ENTHD1: variants seen among roughly 807,000 people sequenced by gnomAD.
ENTHD1 encodes ENTH domain containing 1, also known as ENTH domain-containing protein 1.
ENTHD1 carries 23 observed loss-of-function variants against 39.1 expected under a neutral mutation model. The ratio of observed to expected loss-of-function variants is 0.59; its 90% CI spans 0.42 to 0.83. The LOEUF is 0.83. Ranked by LOEUF, ENTHD1 falls within the 40% of genes least tolerant of loss-of-function variation. The probability of loss-of-function intolerance (pLI) is 0.00; values close to 1 mark genes in which losing one functional copy is unlikely to be tolerated. For missense variants in ENTHD1, 624 were observed against 705.4 expected, an observed-to-expected ratio of 0.88 and a Z score of 1.31; for synonymous variants, 230 against 258.2, an observed-to-expected ratio of 0.89 and a Z score of 1.05.
chr22:39,747,375 A>G (rs950088306), intron 6 of ENTHD1, among the ~76,000 whole-genome samples: 1 of 152,196 alleles, frequency 6.6e-6, no homozygotes, highest in Non-Finnish European at 1.5e-5. Flanking sequence ...GGAATCTGAA[A>G]GAGGCTAAAA....
At chr22:39,797,185 T>C (rs1407933945) in intron 5 of ENTHD1, among the ~76,000 whole-genome samples, 2 of 152,216 alleles carry the variant, frequency 1.3e-5, no homozygotes, top group African/African-American at 4.8e-5. Flanking sequence ...GTATTCCTGC[T>C]CAATTTTGGT....
At chr22:39,744,380 C>T (rs2065087667) in intron 6 of ENTHD1, 97 bp from the exon 7 acceptor site, 1 of 1,144,394 alleles carries the variant, frequency 8.7e-7, no homozygotes, top group South Asian at 1.9e-5. Flanking sequence ...TCTGGAAGGG[C>T]TCAACATAAA....
chr22:39,794,554 G>A (rs1248656416), intron 5 of ENTHD1, among the ~76,000 whole-genome samples: 4 of 151,936 alleles, frequency 2.6e-5, no homozygotes, highest in African/African-American at 7.3e-5. Flanking sequence ...TGTAATCCCC[G>A]CACTTTGGGA....
intron 5 of ENTHD1, among the ~76,000 whole-genome samples, chr22:39,797,851 C>A (rs1476185921): frequency 1.3e-5 from 2 of 151,906 alleles, no homozygotes; most frequent in African/African-American, 4.8e-5. Context: ...ATGCTTTGCT[C>A]TTGTTTTTAG....
At chr22:39,767,549 A>C (rs2065286659) in intron 5 of ENTHD1, among the ~76,000 whole-genome samples, 1 of 152,196 alleles carries the variant, frequency 6.6e-6, no homozygotes. Flanking sequence ...TTTCAAAGTG[A>C]CTTTGCATAT....
At position 39,780,568 on chromosome 22, in the gene ENTHD1, A is replaced by G. The variant is rs117258185; in HGVS notation, c.833-14959T>C. On this transcript the variant is annotated intron_variant, in intron 5 of 6. Transcript: ENST00000325157. Reference sequence around the variant, plus strand: ...CTGGAAACCAAAAAAGAGTGGGAGTAGTTATACTTATATCAGATAAAACAG... The same window carrying G: ...CTGGAAACCAAAAAAGAGTGGGAGTGGTTATACTTATATCAGATAAAACAG... 0.015 allele frequency among the ~76,000 whole-genome samples: 2,237 copies of G among 152,238 alleles called. 219 individuals carry two copies. The East Asian group carries it at 0.29, about 20-fold the overall frequency.
chr22:39,800,020 A>T (rs2065586017), intron 5 of ENTHD1, among the ~76,000 whole-genome samples: 1 of 152,212 alleles, frequency 6.6e-6, no homozygotes, highest in African/African-American at 2.4e-5. Context: ...TGTGGGAGCC[A>T]GCACAAGCTC....
In ENTHD1 at chr22:39,861,922, A is replaced by G. The variant is rs752324015; in HGVS notation, c.435T>C (p.Cys145=). 2 of 1,600,464 alleles carry G rather than the reference A, an allele frequency of 1.2e-6. No individual in the cohort carries two copies. Among genetic ancestry groups the G allele is most frequent in the East Asian group, 4.5e-5 (2 of 44,776 alleles). Residue 145 remains cysteine, a synonymous_variant, in exon 3 of 7, where the codon TGT becomes TGC. Coordinates refer to ENST00000325157, the MANE Select transcript of ENTHD1 (RefSeq NM_152512.4). ...AGTGGGAGGTACGCTGTCTAGTCCG[A>G]CATGCCACTTCCCTCTCTTTACACA... ...PLLCKEREVA[C]RTRQRTSHSI... is the part of the protein sequence containing the mutation.
chr22:39,849,728 T>C (rs939458233), intron 3 of ENTHD1, among the ~76,000 whole-genome samples: 6 of 152,228 alleles, frequency 3.9e-5, no homozygotes, highest in Non-Finnish European at 7.3e-5. Flanking sequence ...CTTGATTTTA[T>C]GTTTTGATGT....
At chr22:39,791,339 A>C (rs1174069046) in intron 5 of ENTHD1, among the ~76,000 whole-genome samples, 2 of 148,924 alleles carry the variant, frequency 1.3e-5, no homozygotes, top group Non-Finnish European at 3.0e-5. Flanking sequence ...AATATATATA[A>C]AGATATATTA....
intron 5 of ENTHD1, among the ~76,000 whole-genome samples, chr22:39,796,909 C>T (rs550160781): frequency 7.2e-5 from 11 of 152,126 alleles, no homozygotes; most frequent in Non-Finnish European, 1.6e-4. Flanking sequence ...AGTTAAAATA[C>T]AACGTTTCTT....
intron 3 of ENTHD1, among the ~76,000 whole-genome samples, chr22:39,848,521 G>A (rs1242116055): frequency 6.6e-6 from 1 of 152,078 alleles, no homozygotes; most frequent in African/African-American, 2.4e-5. Context: ...CAAAGTGCTG[G>A]GATTACAGGC....
intron 5 of ENTHD1, among the ~76,000 whole-genome samples, chr22:39,815,341 G>T (rs1041728827): frequency 6.6e-6 from 1 of 151,942 alleles, no homozygotes; most frequent in African/African-American, 2.4e-5. Context: ...TACTTGGGAG[G>T]CTGAGGCAGG....
chr22:39,768,365 G>A (rs981748904), intron 5 of ENTHD1, among the ~76,000 whole-genome samples: 1 of 152,018 alleles, frequency 6.6e-6, no homozygotes, highest in Non-Finnish European at 1.5e-5. Flanking sequence ...CACTCCACAC[G>A]CCATGAGCAT....
intron 5 of ENTHD1, among the ~76,000 whole-genome samples, chr22:39,768,562 C>T (rs1310299633): frequency 6.6e-6 from 1 of 152,052 alleles, no homozygotes; most frequent in Non-Finnish European, 1.5e-5. Context: ...TTAATCTCTC[C>T]CTTCTCTGAG....
rs77911819 is a variant in ENTHD1 at position 39,889,868 on chromosome 22, G to A, written c.-155-1965C>T. On this transcript the variant is annotated intron_variant, in intron 1 of 6. Coordinates refer to ENST00000325157, the MANE Select transcript of ENTHD1 (RefSeq NM_152512.4). ...TCCTAGCACTTTGGGAGGCTGCCGC[G>A]GGCAGATCACCTGAGCTCAGGAGTT... is the stretch of plus-strand genomic sequence containing the variant. 8.0e-3 allele frequency among the ~76,000 whole-genome samples: 1,215 copies of A among 151,976 alleles called. 20 individuals are homozygous for A. The highest frequency in any genetic ancestry group is 0.028 in the African/African-American group (1,141 of 41,454).
chr22:39,759,793 T>G (rs1024791565), intron 6 of ENTHD1, among the ~76,000 whole-genome samples: 5 of 152,080 alleles, frequency 3.3e-5, no homozygotes, highest in African/African-American at 1.2e-4. Flanking sequence ...GTTTGAAATA[T>G]TTTCTCATTT....
chr22:39,748,578 G>T (rs548752649), intron 6 of ENTHD1, among the ~76,000 whole-genome samples: 43 of 149,946 alleles, frequency 2.9e-4, no homozygotes. Context: ...CCGTCACCAC[G>T]CCCGGCTATT....
chr22:39,811,969 A>T (rs537719715), intron 5 of ENTHD1, among the ~76,000 whole-genome samples: 2 of 150,488 alleles, frequency 1.3e-5, no homozygotes, highest in African/African-American at 4.9e-5. Context: ...ACACAGTGAG[A>T]CCCCATCTCA....
Sources: gnomAD v4.1 joint callset for allele counts (sites outside exome capture counted in the v4.1 genomes callset) on GRCh38, gnomAD v4.1.1 for gene constraint, MANE v1.5 for transcripts, NCBI Gene and HGNC (gene_info 2026-07-23, HGNC 2026-07-21) for gene names.